BRCA1: variants seen among roughly 807,000 people sequenced by gnomAD.
BRCA1 encodes breast cancer type 1 susceptibility protein.
BRCA1 carries 140 observed loss-of-function variants against 173.7 expected under a neutral mutation model. The ratio of observed to expected loss-of-function variants is 0.81; its 90% confidence interval spans 0.70 to 0.93. The LOEUF (loss-of-function observed/expected upper bound fraction) is 0.93, where lower values mean the gene tolerates loss of function less well. Among genes scored for constraint, BRCA1 ranks in the 40% least tolerant of loss-of-function variants. BRCA1 has a pLI of 0.00. For synonymous variants in BRCA1, 662 were observed against 756.0 expected (o/e 0.88, Z 2.04); for missense variants, 1,983 against 2,172.5 (o/e 0.91, Z 1.73).
At chr17:43,089,051 G>A (rs1383564886) in intron 11 of BRCA1, among the ~76,000 whole-genome samples, 4 of 152,124 alleles carry the variant, frequency 2.6e-5, no homozygotes, top group Admixed American at 6.6e-5. Context: ...GGTGGCTCAC[G>A]CCTGTAATCT....
intron 3 of BRCA1, among the ~76,000 whole-genome samples, chr17:43,108,310 C>G (rs953393610): frequency 5.3e-5 from 8 of 149,872 alleles, no homozygotes; most frequent in Non-Finnish European, 1.2e-4. Flanking sequence ...TGCATTCCAG[C>G]CTGGGCAACA....
At chr17:43,068,747 C>T (rs2052259766) in intron 15 of BRCA1, among the ~76,000 whole-genome samples, 1 of 152,040 alleles carries the variant, frequency 6.6e-6, no homozygotes, top group South Asian at 2.1e-4. Context: ...TGGCTTAAAA[C>T]CAAGACTCAA....
At chr17:43,084,323 C>A (rs1027208729) in intron 11 of BRCA1, among the ~76,000 whole-genome samples, 1 of 152,116 alleles carries the variant, frequency 6.6e-6, no homozygotes, top group Non-Finnish European at 1.5e-5. Context: ...AGCCACCACA[C>A]CTGGCCTAAT....
At chr17:43,157,946 A>T (rs1010289667) in intron 1 of BRCA1, among the ~76,000 whole-genome samples, 9 of 149,928 alleles carry the variant, frequency 6.0e-5, no homozygotes, top group Admixed American at 2.0e-4. Flanking sequence ...TGGTGAGCCG[A>T]GATGTGCCAT....
upstream of BRCA1, among the ~76,000 whole-genome samples, chr17:43,127,096 C>A (rs942883456): frequency 3.9e-4 from 60 of 152,214 alleles, no homozygotes; most frequent in Admixed American, 3.9e-3. Flanking sequence ...ATGCCCGAGC[C>A]CCCTCCCAAC....
In BRCA1 at chr17:43,045,413, C is replaced by T. The variant is rs1027194657; in HGVS notation, c.*265G>A. The T allele has an allele frequency of 1.4e-5, 9 of 662,856 alleles. No homozygotes were observed. The highest frequency in any genetic ancestry group is 5.8e-5 in the East Asian group (2 of 34,208). 41.1% of individuals were successfully genotyped at this position (662,856 alleles called of 1,614,324 possible). On this transcript the variant is annotated 3_prime_UTR_variant, in exon 23 of 23. Transcript: ENST00000357654. ...AATCAGCATCTTGCTCAATTGGTGG[C>T]GTTTAAATGGTTTTAAAATCTTCTC... is the stretch of plus-strand genomic sequence containing the variant.
chr17:43,153,010 G>A (rs190416168), intron 1 of BRCA1, among the ~76,000 whole-genome samples: 34 of 152,188 alleles, frequency 2.2e-4, no homozygotes, highest in African/African-American at 6.3e-4. Flanking sequence ...CCTCCAGCCC[G>A]GGCAATAGAG....
rs774284145 is a variant in BRCA1, at chr17:43,095,866, C to G, written c.650G>C (p.Ser217Thr). 6.2e-7 allele frequency: 1 copy of G among 1,613,808 alleles called. No individual in the cohort carries two copies. Among genetic ancestry groups the G allele is most frequent in the Non-Finnish European group, 8.5e-7 (1 of 1,179,842 alleles). Reference sequence around the variant, plus strand: ...ATTACCCTTTTTTGCAGAATCCAAACTGATTTCATCCCTGGTTCCTTGAGG... The same window carrying G: ...ATTACCCTTTTTTGCAGAATCCAAAGTGATTTCATCCCTGGTTCCTTGAGG... ...ITPQGTRDEI[S>T]LDSAKKAACE... The change falls in exon 9 of 23, where the codon AGT becomes ACT. Residue 217 changes from serine to threonine, a missense_variant. Physicochemically the swap from Ser to Thr is moderately conservative, Grantham distance 58. Transcript: ENST00000357654.
rs1131692072 is a variant in BRCA1, at chr17:43,094,594, A to G, written c.937T>C (p.Leu313=). ...CATCTGTTATGTTGGCTCCTTGCTA[A>G]GCCAGGCTGTTTGCTTTTATTACAG... is the stretch of plus-strand genomic sequence containing the variant. ...EFCNKSKQPG[L]ARSQHNRWAG... is the part of the protein sequence containing the mutation. The change falls in exon 10 of 23, where the codon TTA becomes CTA. Residue 313 remains leucine (L), a synonymous_variant. Transcript: ENST00000357654. The G allele has an allele frequency of 1.2e-6, 2 of 1,614,176 alleles. No homozygotes were observed. The highest frequency in any genetic ancestry group is 1.7e-6 in the Non-Finnish European group (2 of 1,180,034).
intron 1 of BRCA1, chr17:43,162,352 A>C (rs771085590): frequency 6.6e-6 from 1 of 152,136 alleles, no homozygotes; most frequent in African/African-American, 2.4e-5. Flanking sequence ...ACAGGCATCA[A>C]ATTTTAAGGT....
At chr17:43,112,779 T>C (rs1428018723) in intron 3 of BRCA1, among the ~76,000 whole-genome samples, 2 of 151,714 alleles carry the variant, frequency 1.3e-5, no homozygotes, top group African/African-American at 4.8e-5. Context: ...CCAACTCTAA[T>C]CCTCTCAATC....
At chr17:43,056,348 A>T (rs889162111) in intron 19 of BRCA1, among the ~76,000 whole-genome samples, 2 of 151,864 alleles carry the variant, frequency 1.3e-5, no homozygotes, top group South Asian at 2.1e-4. Flanking sequence ...TAATTTTTGT[A>T]TATTTTTTTT....
chr17:43,064,907 G>T (rs1013511149), intron 16 of BRCA1, among the ~76,000 whole-genome samples: 1 of 147,872 alleles, frequency 6.8e-6, no homozygotes, highest in Non-Finnish European at 1.5e-5. Context: ...CTCAGCTCAC[G>T]GCAAGCTCTG....
chr17:43,120,697 G>A (rs1237621632), intron 2 of BRCA1, among the ~76,000 whole-genome samples: 6 of 152,130 alleles, frequency 3.9e-5, no homozygotes, highest in African/African-American at 1.2e-4. Context: ...CCCGGGAGGC[G>A]GAGCTTGCAG....
chr17:43,072,822 C>T (rs2052513595), intron 14 of BRCA1, among the ~76,000 whole-genome samples: 1 of 151,896 alleles, frequency 6.6e-6, no homozygotes, highest in Admixed American at 6.6e-5. Flanking sequence ...CCTCGGCCTC[C>T]CAAAGTGCTG....
chr17:43,074,224 G>T, intron 14 of BRCA1, 107 bp downstream of exon 14: 1 of 1,118,770 alleles, frequency 8.9e-7, no homozygotes, highest in Non-Finnish European at 1.3e-6. Context: ...TAACAAAAGT[G>T]TCCATGATAG....
chr17:43,045,516 C>A lies in BRCA1; in HGVS notation c.*162G>T, dbSNP rs2050843111. 8.8e-7 allele frequency: 1 copy of A among 1,136,220 alleles called. No individual in the cohort carries two copies. The highest frequency in any genetic ancestry group is 1.3e-6 in the Non-Finnish European group (1 of 772,276). The allele number at this position is 1,136,220 out of a possible 1,614,324, so 70.4% of individuals were successfully genotyped here. A position where few individuals can be genotyped will look rare whatever the true frequency, so the allele number is the denominator to read the frequency against. ...TCAAGCAGAAAATCTTTAAGGGACC[C>A]TTGCATAGCCAGAAGTCCTTTTCAG... On this transcript the variant is annotated 3_prime_UTR_variant, in exon 23 of 23. Transcript: ENST00000357654.
intron 3 of BRCA1, chr17:43,110,499 T>C (rs1390752017): frequency 5.0e-6 from 2 of 403,662 alleles, no homozygotes; most frequent in Non-Finnish European, 9.9e-6. Context: ...GGTGATAGGA[T>C]CGCTTGAGCC....
intron 12 of BRCA1, among the ~76,000 whole-genome samples, chr17:43,078,451 C>T (rs888359839): frequency 5.9e-5 from 9 of 152,164 alleles, no homozygotes; most frequent in South Asian, 2.1e-4. Flanking sequence ...GGATTATAGG[C>T]GTGAGCCACC....
Sources: allele counts gnomAD v4.1 joint callset (sites outside exome capture counted in the v4.1 genomes callset), GRCh38; gene constraint gnomAD v4.1.1; transcripts MANE v1.5; gene names NCBI Gene and HGNC (gene_info 2026-07-23, HGNC 2026-07-21).